EYS: variants seen among roughly 807,000 people sequenced by gnomAD.
EYS encodes the protein protein eyes shut homolog.
EYS carries 250 observed loss-of-function variants against 282.1 expected under a neutral mutation model. The ratio of observed to expected loss-of-function variants is 0.89; its 90% CI spans 0.80 to 0.98. EYS has a LOEUF of 0.98. Ranked by LOEUF, EYS falls within the 50% of genes least tolerant of loss-of-function variation. The pLI is 0.00. For missense variants in EYS, 4,016 were observed against 3,709.0 expected (o/e 1.08, Z -2.15); for synonymous variants, 1,355 against 1,282.9 (o/e 1.06, Z -1.20).
chr6:64,468,570 C>T (rs1178566528), intron 26 of EYS, among the ~76,000 whole-genome samples: 3 of 152,154 alleles, frequency 2.0e-5, no homozygotes, highest in Non-Finnish European at 4.4e-5. Flanking sequence ...TTGCATGTCA[C>T]AGGAACTTGG....
intron 30 of EYS, among the ~76,000 whole-genome samples, chr6:64,237,890 A>C (rs554756158): frequency 6.6e-6 from 1 of 152,308 alleles, no homozygotes; most frequent in African/African-American, 2.4e-5. Context: ...GTACATGAAA[A>C]ATTCTCATTT....
chr6:65,662,283 GAGA>G (rs1199408265), intron 1 of EYS, among the ~76,000 whole-genome samples: 1 of 152,098 alleles, frequency 6.6e-6, no homozygotes, highest in East Asian at 1.9e-4. Flanking sequence ...TTAGTGAAGA[GAGA>G]AGGTCACTGT....
intron 19 of EYS, among the ~76,000 whole-genome samples, chr6:64,828,418 G>T (rs1036608129): frequency 6.6e-6 from 1 of 151,888 alleles, no homozygotes; most frequent in South Asian, 2.1e-4. Context: ...AAGCTATTTT[G>T]CTGTTTGGAG....
intron 12 of EYS, among the ~76,000 whole-genome samples, chr6:65,182,289 T>C (rs1326298716): frequency 1.3e-5 from 2 of 151,324 alleles, no homozygotes; most frequent in Non-Finnish European, 3.0e-5. Context: ...AAAAAGAGAA[T>C]GAAACTTATT....
chr6:65,536,302 T>A (rs1418267173), intron 2 of EYS, among the ~76,000 whole-genome samples: 1 of 149,650 alleles, frequency 6.7e-6, no homozygotes, highest in African/African-American at 2.5e-5. Context: ...ATAGGGCAAG[T>A]GGTTGAGAAG....
At chr6:64,571,805 G>A (rs1207969534) in intron 26 of EYS, among the ~76,000 whole-genome samples, 1 of 152,100 alleles carries the variant, frequency 6.6e-6, no homozygotes, top group African/African-American at 2.4e-5. Context: ...ACGAAAAAAT[G>A]CCCAGGATCA....
intron 22 of EYS, among the ~76,000 whole-genome samples, chr6:64,725,048 T>C (rs530811370): frequency 3.7e-4 from 57 of 152,166 alleles, no homozygotes; most frequent in African/African-American, 1.3e-3. Flanking sequence ...TTAGGGTTAA[T>C]AAATAAAGAA....
At chr6:64,547,963 G>C (rs769556070) in intron 26 of EYS, among the ~76,000 whole-genome samples, 1 of 152,198 alleles carries the variant, frequency 6.6e-6, no homozygotes, top group Admixed American at 6.5e-5. Flanking sequence ...AGGGCTGGCC[G>C]GCAGCTCCAA....
chr6:64,204,677 A>G (rs1405623870), intron 31 of EYS, among the ~76,000 whole-genome samples: 1 of 152,156 alleles, frequency 6.6e-6, no homozygotes, highest in East Asian at 1.9e-4. Flanking sequence ...CAAACAGTGG[A>G]TGCTTCTGGA....
At chr6:64,714,516 C>CTTTTTT (rs55730437) in intron 22 of EYS, among the ~76,000 whole-genome samples, 2 of 127,916 alleles carry the variant, frequency 1.6e-5, no homozygotes, top group African/African-American at 5.9e-5. Context: ...TTCTTTCTTT[C>CTTTTTT]TTTTTTTTTT....
chr6:64,427,870 A>AC (rs756821592), intron 28 of EYS, among the ~76,000 whole-genome samples: 2 of 152,144 alleles, frequency 1.3e-5, no homozygotes, highest in Non-Finnish European at 2.9e-5. Flanking sequence ...TTGTAAAATG[A>AC]CTTGAATTAA....
intron 31 of EYS, among the ~76,000 whole-genome samples, chr6:64,206,707 GTCTTACACTATA>G (rs754115467): frequency 5.3e-5 from 8 of 152,236 alleles, no homozygotes; most frequent in Middle Eastern, 3.4e-3. Flanking sequence ...AGGCTTAACC[GTCTTACACTATA>G]TTGATTGTGG....
At chr6:64,101,819 A>T (rs1303439829) in intron 31 of EYS, among the ~76,000 whole-genome samples, 1 of 152,008 alleles carries the variant, frequency 6.6e-6, no homozygotes, top group East Asian at 1.9e-4. Context: ...TCACCATAAC[A>T]TAGAATCAGT....
At chr6:64,236,844 C>G (rs962604464) in intron 30 of EYS, among the ~76,000 whole-genome samples, 1 of 150,176 alleles carries the variant, frequency 6.7e-6, no homozygotes, top group Non-Finnish European at 1.5e-5. Flanking sequence ...CACAATGTGC[C>G]GGGATAGATA....
intron 1 of EYS, among the ~76,000 whole-genome samples, chr6:65,700,756 C>T (rs960170011): frequency 2.0e-5 from 3 of 152,158 alleles, no homozygotes; most frequent in African/African-American, 7.2e-5. Context: ...TCTTAATCCC[C>T]ATCCCATCTG....
rs1355797286 is a variant in EYS, at chr6:64,230,618, T to G, written c.6398A>C (p.His2133Pro). The G allele has an allele frequency of 1.3e-6, 2 of 1,549,206 alleles. No individual in the cohort carries two copies. Among genetic ancestry groups the G allele is most frequent in the African/African-American group, 2.7e-5 (2 of 72,986 alleles). ...IVSFQCDCPL[H>P]FTGRFCEKDA... ...TTTTTCACAGAAGCGGCCAGTGAAA[T>G]GTAGTGGACAGTCACATTGGAATGA... Residue 2133 changes from histidine (H) to proline (P), a missense_variant, in exon 31 of 43, where the codon CAT (histidine) becomes CCT (proline). Transcript: ENST00000503581.
At chr6:63,992,945 T>G (rs1477381629) in intron 34 of EYS, among the ~76,000 whole-genome samples, 1 of 151,824 alleles carries the variant, frequency 6.6e-6, no homozygotes. Flanking sequence ...CCCATGCTGT[T>G]CTTGTGAAAG....
chr6:63,882,969 G>A (rs186134755), intron 35 of EYS, among the ~76,000 whole-genome samples: 1 of 152,254 alleles, frequency 6.6e-6, no homozygotes, highest in East Asian at 1.9e-4. Flanking sequence ...ATAACAAAAT[G>A]TACTCAACAT....
intron 8 of EYS, among the ~76,000 whole-genome samples, chr6:65,357,470 C>A (rs754387340): frequency 8.6e-5 from 13 of 151,918 alleles, no homozygotes; most frequent in Non-Finnish European, 1.3e-4. Flanking sequence ...TTGCTCTGAC[C>A]TTTCTAGAAG....
Sources: allele counts gnomAD v4.1 joint callset (sites outside exome capture counted in the v4.1 genomes callset), GRCh38; gene constraint gnomAD v4.1.1; transcripts MANE v1.5; gene names NCBI Gene and HGNC (gene_info 2026-07-23, HGNC 2026-07-21).